SLC6A2: variants seen among roughly 807,000 people sequenced by gnomAD.
SLC6A2 encodes the protein sodium-dependent noradrenaline transporter.
A neutral mutation model predicts 71.7 loss-of-function variants in SLC6A2; 26 were observed. The observed-to-expected ratio is 0.36, with a 90% CI of 0.27 to 0.50. The LOEUF (loss-of-function observed/expected upper bound fraction) is 0.50. Among genes scored for constraint, SLC6A2 ranks in the 20% least tolerant of loss-of-function variants. The pLI is 0.96. For missense variants in SLC6A2, 581 were observed against 803.9 expected (o/e 0.72, Z 3.35); for synonymous variants, 363 against 337.9 (o/e 1.07, Z -0.82).
At position 55,705,066 on chromosome 16, in the gene SLC6A2, T is replaced by C. The variant is rs1966073677; in HGVS notation, c.*2720T>C. ...CACCCGGGACAAGGGTGCTGTGTAC[T>C]GTATATGACACTTGACGCTTTTGAT... On this transcript the variant is annotated 3_prime_UTR_variant, in exon 15 of 15. Transcript: ENST00000568943. 1.5e-6 allele frequency: 1 copy of C among 665,660 alleles called. No individual in the cohort carries two copies. The highest frequency in any genetic ancestry group is 2.3e-5 in the Admixed American group (1 of 43,282). The allele number at this position is 665,660 out of a possible 1,614,324, so 41.2% of individuals were successfully genotyped here. A position where few individuals can be genotyped will look rare whatever the true frequency, so the allele number is the denominator to read the frequency against.
chr16:55,671,553 A>G (rs1261128136), intron 3 of SLC6A2: 17 of 448,316 alleles, frequency 3.8e-5, no homozygotes, highest in Admixed American at 3.7e-4. Flanking sequence ...ATCTGTATTT[A>G]CAGCTGCTCC....
intron 2 of SLC6A2, 77 bp from the exon 3 acceptor site, chr16:55,669,488 C>A (rs2142508288): frequency 6.5e-7 from 1 of 1,536,446 alleles, no homozygotes; most frequent in East Asian, 2.2e-5. Context: ...AGGATCTTTG[C>A]AGCTCTTGCA....
At position 55,698,473 on chromosome 16, in the gene SLC6A2, G is replaced by A; in HGVS notation, c.1394G>A (p.Gly465Glu). Residue 465 changes from glycine to glutamate, a missense_variant, in exon 11 of 15, where the codon GGA becomes GAA. By Grantham distance (98) the Gly-to-Glu change is moderately conservative. This residue lies in a region of SLC6A2 where 334 missense variants were observed against 449.0 expected (regional missense o/e 0.74). Coordinates refer to ENST00000568943, the MANE Select transcript of SLC6A2 (RefSeq NM_001172501.3). Reference protein sequence around the residue: ...LLALFCITKGGIYVLTLLDTF... With the variant: ...LLALFCITKGEIYVLTLLDTF... ...CTTCTTCTCTCCCTGTGCCAGGGTG[G>A]AATTTACGTCTTGACCCTCCTGGAC... 1 of 1,613,210 alleles carries A rather than the reference G, an allele frequency of 6.2e-7. No individual in the cohort carries two copies. Among genetic ancestry groups the A allele is most frequent in the Admixed American group, 1.7e-5 (1 of 60,026 alleles).
intron 9 of SLC6A2, among the ~76,000 whole-genome samples, chr16:55,697,060 A>G (rs561374901): frequency 3.3e-4 from 51 of 152,332 alleles, no homozygotes; most frequent in African/African-American, 1.2e-3. Context: ...TATTTTATCC[A>G]AATGTAAGAT....
chr16:55,678,977 A>T (rs374041418), intron 4 of SLC6A2, among the ~76,000 whole-genome samples: 8 of 152,292 alleles, frequency 5.3e-5, no homozygotes, highest in African/African-American at 1.7e-4. Flanking sequence ...CTGAAAGTGG[A>T]CTTTGAATGC....
At chr16:55,672,712 C>G (rs764766467) in intron 4 of SLC6A2, among the ~76,000 whole-genome samples, 1 of 152,208 alleles carries the variant, frequency 6.6e-6, no homozygotes, top group Non-Finnish European at 1.5e-5. Flanking sequence ...TGCTGTCCTT[C>G]TGGAGTTCCC....
At chr16:55,683,084 C>T (rs1322381650) in intron 4 of SLC6A2, among the ~76,000 whole-genome samples, 1 of 152,136 alleles carries the variant, frequency 6.6e-6, no homozygotes, top group African/African-American at 2.4e-5. Context: ...TTTCTGCTTG[C>T]TTTGCCTTGC....
At chr16:55,695,014 A>T (rs1349350682) in intron 7 of SLC6A2, among the ~76,000 whole-genome samples, 1 of 152,194 alleles carries the variant, frequency 6.6e-6, no homozygotes. Flanking sequence ...GGGAGCAGCC[A>T]TGGAAGGTTT....
At chr16:55,690,736 C>A (rs989349651) in intron 5 of SLC6A2, among the ~76,000 whole-genome samples, 3 of 152,164 alleles carry the variant, frequency 2.0e-5, no homozygotes, top group Non-Finnish European at 4.4e-5. Context: ...TCATTTCAGG[C>A]CTACCCCTGA....
At chr16:55,699,835 G>T (rs1176946967) in intron 12 of SLC6A2, among the ~76,000 whole-genome samples, 181 bp downstream of exon 12, 1 of 151,914 alleles carries the variant, frequency 6.6e-6, no homozygotes, top group Non-Finnish European at 1.5e-5. Context: ...CACCTTACTA[G>T]GGGGTTCTCC....
chr16:55,673,082 A>G (rs1449882732), intron 4 of SLC6A2, among the ~76,000 whole-genome samples: 3 of 152,178 alleles, frequency 2.0e-5, no homozygotes, highest in Admixed American at 2.0e-4. Context: ...TTTAGTTGCC[A>G]TGTTTCTTTA....
Position 55,656,718 on chromosome 16 carries a change from G to T in SLC6A2, c.24G>T (p.Pro8=), listed in dbSNP as rs778163877. 2.5e-6 allele frequency: 4 copies of T among 1,612,578 alleles called. No individual in the cohort carries two copies. The highest frequency in any genetic ancestry group is 3.4e-6 in the Non-Finnish European group (4 of 1,179,946). ...CCATGCTTCTGGCGCGGATGAACCC[G>T]CAGGTGCAGCCCGAGAACAACGGGG... MLLARMN[P]QVQPENNGAD... The change falls in exon 2 of 15, where the codon CCG becomes CCT. Residue 8 remains proline (P), a synonymous_variant. Coordinates refer to ENST00000568943, the MANE Select transcript of SLC6A2 (RefSeq NM_001172501.3). This position sits in a 1 kb window ranked among gnomAD's most constrained non-coding sequence, Gnocchi z 4.5.
chr16:55,679,525 C>G (rs1484836891), intron 4 of SLC6A2, among the ~76,000 whole-genome samples: 1 of 152,240 alleles, frequency 6.6e-6, no homozygotes, highest in African/African-American at 2.4e-5. Flanking sequence ...CCACACCCAG[C>G]CTGGTCCTCT....
rs551353962 is a variant in SLC6A2, at chr16:55,702,645, A to C, written c.*299A>C. 7.5e-7 allele frequency: 1 copy of C among 1,337,480 alleles called. No homozygotes were observed. The highest frequency in any genetic ancestry group is 1.5e-5 in the African/African-American group (1 of 67,246). 82.9% of individuals were successfully genotyped at this position (1,337,480 alleles called of 1,614,324 possible). A position where few individuals can be genotyped will look rare whatever the true frequency, so the allele number is the denominator to read the frequency against. On this transcript the variant is annotated 3_prime_UTR_variant, in exon 15 of 15. Coordinates refer to ENST00000568943, the MANE Select transcript of SLC6A2 (RefSeq NM_001172501.3). ...TTGGGATCCTGCTGAAGCTAGGTTC[A>C]TGAGGTCGGAAATCCCCACCACATT... is the stretch of plus-strand genomic sequence containing the variant.
In SLC6A2 at chr16:55,689,917, G is replaced by C. The variant is rs367603796; in HGVS notation, c.784-2001G>C. Among the ~76,000 whole-genome samples the C allele has an allele frequency of 1.6e-4, 25 of 152,316 alleles. No homozygotes were observed. The East Asian group carries it at 2.9e-3, about 18-fold the overall frequency. ...AGGAGGCTTTCCTGATTCCTTCTGAGCCCAGAAGATGTGACTACCACTATG... is the reference window on the plus strand; with the variant it reads ...AGGAGGCTTTCCTGATTCCTTCTGACCCCAGAAGATGTGACTACCACTATG... On this transcript the variant is annotated intron_variant, in intron 5 of 14. Coordinates refer to ENST00000568943, the MANE Select transcript of SLC6A2 (RefSeq NM_001172501.3).
Position 55,705,430 on chromosome 16 carries a change from C to T in SLC6A2, c.*3084C>T, listed in dbSNP as rs1452415469. ...CTAGTAAAGAAGCCCATTGAACTCACTTTATTTGTTTATTTCCTTCGAAAG... is the reference window on the plus strand; with the variant it reads ...CTAGTAAAGAAGCCCATTGAACTCATTTTATTTGTTTATTTCCTTCGAAAG... On this transcript the variant is annotated 3_prime_UTR_variant, in exon 15 of 15. Transcript: ENST00000568943. 1.7e-6 allele frequency: 1 copy of T among 588,108 alleles called. No individual in the cohort carries two copies. Among genetic ancestry groups the T allele is most frequent in the Non-Finnish European group, 3.0e-6 (1 of 336,454 alleles). The allele number at this position is 588,108 out of a possible 1,614,324, so 36.4% of individuals were successfully genotyped here.
chr16:55,698,318 C>A lies in SLC6A2; in HGVS notation c.1390-151C>A. The A allele has an allele frequency of 6.8e-6, 5 of 730,104 alleles. 1 individual carries two copies. The South Asian group carries it at 7.4e-5, about 11-fold the overall frequency. 45.2% of individuals were successfully genotyped at this position (730,104 alleles called of 1,614,324 possible). A position where few individuals can be genotyped will look rare whatever the true frequency, so the allele number is the denominator to read the frequency against. On this transcript the variant is annotated intron_variant, in intron 10 of 14. Transcript: ENST00000568943. Reference sequence around the variant, plus strand: ...GCTGAAACTGAGGTGACTGTAACGTCAATACAACAGCACCACAGCCCTATG... The same window carrying A: ...GCTGAAACTGAGGTGACTGTAACGTAAATACAACAGCACCACAGCCCTATG...
At chr16:55,671,791 A>G in intron 3 of SLC6A2, 147 bp from the exon 4 acceptor site, 1 of 1,469,920 alleles carries the variant, frequency 6.8e-7, no homozygotes, top group African/African-American at 1.4e-5. Context: ...GCGACAGGTC[A>G]CTGGTGCTGA....
rs201019775 is a variant in SLC6A2 at position 55,700,289 on chromosome 16, C to A, written c.1741C>A (p.Gln581Lys). ...CGTCATCTATAAGTTCCTCAGCACG[C>A]AGGGCTCTCTTTGGGAGGTGAGCTC... Reference protein sequence around the residue: ...IYVIYKFLSTQGSLWERLAYG... With the variant: ...IYVIYKFLSTKGSLWERLAYG... Residue 581 changes from glutamine (Q) to lysine (K), a missense_variant, in exon 13 of 15, where the codon CAG becomes AAG. By Grantham distance (53) the Gln-to-Lys change is moderately conservative. Transcript: ENST00000568943. The A allele has an allele frequency of 6.2e-7, 1 of 1,613,558 alleles. No homozygotes were observed.
Sources: gnomAD v4.1 joint callset for allele counts (sites outside exome capture counted in the v4.1 genomes callset) on GRCh38, gnomAD v4.1.1 for gene constraint, gnomAD v4.1.1 regional missense constraint, Gnocchi (gnomAD v3.1) non-coding constraint, MANE v1.5 for transcripts, NCBI Gene and HGNC (gene_info 2026-07-23, HGNC 2026-07-21) for gene names.